Variants in CCDC178 observed in about 807,000 individuals in gnomAD.
The protein encoded by CCDC178 is coiled-coil domain-containing protein 178.
A neutral mutation model predicts 117.4 loss-of-function variants in CCDC178; 126 were observed. The observed-to-expected ratio is 1.07, with a 90% CI of 0.93 to 1.24. The LOEUF (loss-of-function observed/expected upper bound fraction) is 1.24, where lower values mean the gene tolerates loss of function less well. CCDC178 is among the 50% of genes most tolerant of loss of function. CCDC178 has a pLI of 0.00. For missense variants in CCDC178, 1,030 were observed against 986.9 expected (o/e 1.04, Z -0.59); for synonymous variants, 283 against 313.4 (o/e 0.90, Z 1.02).
At chr18:33,380,459 A>C (rs2063426688) in intron 5 of CCDC178, among the ~76,000 whole-genome samples, 1 of 152,184 alleles carries the variant, frequency 6.6e-6, no homozygotes, top group Non-Finnish European at 1.5e-5. Flanking sequence ...AGTCTAAGAA[A>C]GTACCTGTAG....
intron 20 of CCDC178, among the ~76,000 whole-genome samples, chr18:33,113,492 A>G (rs2057811143): frequency 6.6e-6 from 1 of 151,980 alleles, no homozygotes; most frequent in Admixed American, 6.6e-5. Context: ...GGTCACAGCT[A>G]CCTACTAGAT....
intron 3 of CCDC178, among the ~76,000 whole-genome samples, 194 bp from the exon 4 acceptor site, chr18:33,397,402 G>A (rs1376523452): frequency 6.6e-6 from 1 of 152,044 alleles, no homozygotes; most frequent in Non-Finnish European, 1.5e-5. Context: ...TCTGCAAAAG[G>A]GCATTTGATA....
chr18:33,212,295 C>A (rs996224775), intron 19 of CCDC178, among the ~76,000 whole-genome samples: 1 of 151,868 alleles, frequency 6.6e-6, no homozygotes, highest in African/African-American at 2.4e-5. Context: ...ATCCAGCATG[C>A]TTTTGTTCTC....
intron 21 of CCDC178, among the ~76,000 whole-genome samples, chr18:33,004,379 A>G (rs2055707140): frequency 6.6e-6 from 1 of 152,108 alleles, no homozygotes; most frequent in African/African-American, 2.4e-5. Flanking sequence ...AAGAACATAC[A>G]CCGAGGAAGA....
At chr18:33,075,405 T>C (rs1457521787) in intron 21 of CCDC178, among the ~76,000 whole-genome samples, 1 of 152,182 alleles carries the variant, frequency 6.6e-6, no homozygotes, top group Non-Finnish European at 1.5e-5. Flanking sequence ...AAAAATACCT[T>C]TCTGGAGTAG....
intron 15 of CCDC178, among the ~76,000 whole-genome samples, chr18:33,239,010 T>C (rs2059456386): frequency 6.6e-6 from 1 of 152,174 alleles, no homozygotes; most frequent in South Asian, 2.1e-4. Flanking sequence ...CAGCCAAGAA[T>C]ATTCTATCCA....
At chr18:33,277,793 T>G (rs1378036841) in intron 12 of CCDC178, among the ~76,000 whole-genome samples, 1 of 152,192 alleles carries the variant, frequency 6.6e-6, no homozygotes, top group Non-Finnish European at 1.5e-5. Context: ...AAGAAAGTTA[T>G]GCTTTCAAAG....
chr18:33,101,158 A>G (rs1038570255), intron 20 of CCDC178, among the ~76,000 whole-genome samples: 2 of 151,616 alleles, frequency 1.3e-5, no homozygotes, highest in Middle Eastern at 3.2e-3. Context: ...ATTTTTTCTG[A>G]TATCAAGAGT....
At chr18:33,226,999 A>C (rs760809489) in intron 15 of CCDC178, 144 bp from the exon 16 acceptor site, 54 of 333,626 alleles carry the variant, frequency 1.6e-4, no homozygotes, top group Non-Finnish European at 2.5e-4. Context: ...ATGTATTTTT[A>C]AAATCCTGGT....
chr18:33,268,468 A>C (rs1325202373), intron 12 of CCDC178, among the ~76,000 whole-genome samples: 1 of 151,872 alleles, frequency 6.6e-6, no homozygotes, highest in Non-Finnish European at 1.5e-5. Flanking sequence ...TAATAACAAA[A>C]GTAATGTTTC....
chr18:32,956,896 G>A (rs2054607116), intron 22 of CCDC178: 1 of 152,188 alleles, frequency 6.6e-6, no homozygotes, highest in Admixed American at 6.5e-5. Context: ...AAGATGAGGG[G>A]AGGCAGGAGA....
rs942422368 is a variant in CCDC178 at position 33,174,161 on chromosome 18, G to C, written c.2238+37735C>G. 4.1e-4 allele frequency among the ~76,000 whole-genome samples: 63 copies of C among 152,110 alleles called. 1 individual carries two copies. On this transcript the variant is annotated intron_variant, in intron 20 of 22. Coordinates refer to ENST00000383096, the MANE Select transcript of CCDC178 (RefSeq NM_001105528.4). ...GCAGGTACGTCACACGGTGAGAATG[G>C]AGCAACAGAGAGAGAGTCGGCAGGA...
At chr18:33,192,148 G>A (rs967010060) in intron 20 of CCDC178, among the ~76,000 whole-genome samples, 1 of 152,158 alleles carries the variant, frequency 6.6e-6, no homozygotes, top group Non-Finnish European at 1.5e-5. Context: ...TTGTACTTAT[G>A]TACAGTTGGC....
At chr18:33,040,008 G>C (rs1277183650) in intron 21 of CCDC178, among the ~76,000 whole-genome samples, 1 of 151,036 alleles carries the variant, frequency 6.6e-6, no homozygotes, top group Non-Finnish European at 1.5e-5. Context: ...ATTACCATAA[G>C]AAAAAAAATA....
At chr18:33,390,730 T>C (rs1599260117) in intron 4 of CCDC178, among the ~76,000 whole-genome samples, 1 of 152,038 alleles carries the variant, frequency 6.6e-6, no homozygotes, top group African/African-American at 2.4e-5. Context: ...AATGTCATGA[T>C]AGTTACATTT....
intron 2 of CCDC178, among the ~76,000 whole-genome samples, chr18:33,428,268 C>T (rs928249655): frequency 6.6e-6 from 1 of 152,062 alleles, no homozygotes; most frequent in Admixed American, 6.5e-5. Context: ...ATACTACTAA[C>T]ACATAAAATA....
chr18:33,360,317 C>T (rs998732319), intron 6 of CCDC178, among the ~76,000 whole-genome samples: 3 of 150,806 alleles, frequency 2.0e-5, no homozygotes, highest in African/African-American at 7.3e-5. Context: ...TTCATAGTAG[C>T]CCTCTGTACT....
intron 21 of CCDC178, among the ~76,000 whole-genome samples, chr18:33,089,642 T>G (rs989352968): frequency 1.3e-5 from 2 of 152,212 alleles, no homozygotes; most frequent in Non-Finnish European, 2.9e-5. Flanking sequence ...GGAAGCCATC[T>G]TGTTTTCAAC....
chr18:33,080,128 T>A (rs2057274921), intron 21 of CCDC178, among the ~76,000 whole-genome samples: 1 of 152,140 alleles, frequency 6.6e-6, no homozygotes, highest in Non-Finnish European at 1.5e-5. Flanking sequence ...TTTGTGGGAA[T>A]GTGGATGGAG....
Sources: allele counts gnomAD v4.1 joint callset (sites outside exome capture counted in the v4.1 genomes callset), GRCh38; gene constraint gnomAD v4.1.1; transcripts MANE v1.5; gene names NCBI Gene and HGNC (gene_info 2026-07-23, HGNC 2026-07-21).